Variants in NDRG2 observed in about 807,000 individuals in gnomAD.
NDRG2 encodes protein NDRG2.
NDRG2 carries 34 observed loss-of-function variants against 58.2 expected under a neutral mutation model. The ratio of observed to expected loss-of-function variants is 0.58; its 90% confidence interval spans 0.44 to 0.78. The LOEUF (loss-of-function observed/expected upper bound fraction) is 0.78, where lower values mean the gene tolerates loss of function less well. NDRG2 is among the 30% of genes least tolerant of loss of function. NDRG2 has a pLI of 0.00. For synonymous variants in NDRG2, 187 were observed against 175.9 expected, an observed-to-expected ratio of 1.06 and a Z score of -0.50; for missense variants, 434 against 471.2, an observed-to-expected ratio of 0.92 and a Z score of 0.73.
upstream of NDRG2, among the ~76,000 whole-genome samples, chr14:21,027,031 A>T (rs1883726654): frequency 1.3e-5 from 2 of 152,142 alleles, no homozygotes; most frequent in African/African-American, 4.8e-5. Context: ...AGGTTCCAGC[A>T]TCTAAATTCG....
At chr14:21,017,938 C>T in intron 15 of NDRG2, 49 bp downstream of exon 15, 1 of 1,613,932 alleles carries the variant, frequency 6.2e-7, no homozygotes, top group Non-Finnish European at 8.5e-7. Flanking sequence ...TCCACCCCGT[C>T]AGTGCCTATC....
At chr14:21,041,149 A>G (rs188956501) in intron 1 of NDRG2, among the ~76,000 whole-genome samples, 184 of 152,206 alleles carry the variant, frequency 1.2e-3, no homozygotes, top group Non-Finnish European at 4.9e-4. Flanking sequence ...ATGCACCACC[A>G]TGCCTGGCTA....
intron 11 of NDRG2, 123 bp from the exon 12 acceptor site, chr14:21,018,937 G>T: frequency 7.4e-7 from 1 of 1,342,456 alleles, no homozygotes. Context: ...GTGTCTCCCT[G>T]CTGATGCCAC....
At chr14:21,042,994 T>C (rs1884975914) in intron 1 of NDRG2, 1 of 1,611,726 alleles carries the variant, frequency 6.2e-7, no homozygotes, top group Non-Finnish European at 8.5e-7. Flanking sequence ...CTAAGAGAGA[T>C]GGCACCGGCC....
At position 21,022,344 on chromosome 14, in the gene NDRG2, C is replaced by T. The variant is rs1880966707; in HGVS notation, c.223+48G>A. The T allele has an allele frequency of 2.5e-6, 4 of 1,588,130 alleles. No individual in the cohort carries two copies. The South Asian group carries it at 3.3e-5, about 13-fold the overall frequency. ...TCTGGGTTTCATTTCTACCCTTCCCCCACAGCCTCTTCCCAGACAGGAGTG... is the reference window on the plus strand; with the variant it reads ...TCTGGGTTTCATTTCTACCCTTCCCTCACAGCCTCTTCCCAGACAGGAGTG... On this transcript the variant is annotated intron_variant, in intron 4 of 15. Transcript: ENST00000556147.
At chr14:21,055,946 A>G (rs1290914211) in intron 1 of NDRG2, among the ~76,000 whole-genome samples, 1 of 152,156 alleles carries the variant, frequency 6.6e-6, no homozygotes, top group East Asian at 1.9e-4. Context: ...CCTGGGTTCA[A>G]AAATCAATGT....
intron 1 of NDRG2, chr14:21,034,022 A>G (rs751077344): frequency 6.2e-7 from 1 of 1,614,118 alleles, no homozygotes; most frequent in East Asian, 2.2e-5. Context: ...AGAAGCTGTC[A>G]CTATACTTGC....
upstream of NDRG2, among the ~76,000 whole-genome samples, chr14:21,027,542 GA>G (rs1883776123): frequency 6.6e-6 from 1 of 152,192 alleles, no homozygotes; most frequent in South Asian, 2.1e-4. Context: ...TGGGAGATTA[GA>G]GATTTCCAAC....
chr14:21,019,586 C>T (rs1259027086), intron 10 of NDRG2, 53 bp downstream of exon 10: 1 of 1,234,856 alleles, frequency 8.1e-7, no homozygotes. Flanking sequence ...CCCATGACGC[C>T]CAATTACTGC....
chr14:21,049,937 C>T lies in NDRG2; in HGVS notation c.24+20891G>A, dbSNP rs113381638. 5.0e-3 allele frequency among the ~76,000 whole-genome samples: 765 copies of T among 152,046 alleles called. 9 individuals are homozygous for T. The highest frequency in any genetic ancestry group is 0.018 in the African/African-American group (736 of 41,472). On this transcript the variant is annotated intron_variant, in intron 1 of 14. Transcript: ENST00000403829. ...GATTACAGGTATGCACCACCATGCC[C>T]GGCTAATTTTTGTATTTTTAGTAAA...
chr14:21,035,284 C>G (rs1884545749), intron 1 of NDRG2, among the ~76,000 whole-genome samples: 1 of 152,222 alleles, frequency 6.6e-6, no homozygotes, highest in Admixed American at 6.5e-5. Context: ...TCTGAAGCCT[C>G]AAACTTGGCA....
rs560871624 is a variant in NDRG2, at chr14:21,070,660, T to C, written c.24+168A>G. Reference sequence around the variant, plus strand: ...ATCCTCCCTTGGGTCTCTCCCCTAATCCACACACCTCCCCGCTCCCCGCCC... The same window carrying C: ...ATCCTCCCTTGGGTCTCTCCCCTAACCCACACACCTCCCCGCTCCCCGCCC... On this transcript the variant is annotated intron_variant, in intron 1 of 14. Coordinates refer to the NDRG2 transcript ENST00000403829. The surrounding 1 kb of genome is among the most constrained non-coding windows in gnomAD (Gnocchi z 4.7). 6.4e-4 allele frequency among the ~76,000 whole-genome samples: 97 copies of C among 152,026 alleles called. No individual in the cohort carries two copies. The highest frequency in any genetic ancestry group is 1.4e-3 in the Admixed American group (21 of 15,284).
At chr14:21,031,654 C>A (rs141400462) in intron 1 of NDRG2, among the ~76,000 whole-genome samples, 1 of 152,102 alleles carries the variant, frequency 6.6e-6, no homozygotes, top group East Asian at 1.9e-4. Context: ...AAAAACCTAC[C>A]CTCCCTCTGC....
intron 1 of NDRG2, among the ~76,000 whole-genome samples, chr14:21,051,369 C>A (rs1275313537): frequency 1.3e-5 from 2 of 152,120 alleles, no homozygotes. Context: ...TTGTTTTTAT[C>A]GTTATGACCC....
At chr14:21,065,633 C>T (rs1326085274) in intron 1 of NDRG2, among the ~76,000 whole-genome samples, 4 of 152,108 alleles carry the variant, frequency 2.6e-5, no homozygotes, top group African/African-American at 4.8e-5. Flanking sequence ...CCACTTTAGA[C>T]CAGGTGGCCA....
intron 1 of NDRG2, chr14:21,057,947 T>C: frequency 6.2e-7 from 1 of 1,614,072 alleles, no homozygotes; most frequent in Middle Eastern, 1.6e-4. Flanking sequence ...TCTGGGGCTG[T>C]GGGTGGCAGA....
Position 21,070,491 on chromosome 14 carries a change from T to C in NDRG2, c.24+337A>G. 7.6e-7 allele frequency: 1 copy of C among 1,323,458 alleles called. No individual in the cohort carries two copies. Among genetic ancestry groups the C allele is most frequent in the Non-Finnish European group, 9.7e-7 (1 of 1,030,682 alleles). 82.0% of individuals were successfully genotyped at this position (1,323,458 alleles called of 1,614,324 possible). On this transcript the variant is annotated intron_variant, in intron 1 of 14. Coordinates refer to the NDRG2 transcript ENST00000403829. The surrounding 1 kb of genome is among the most constrained non-coding windows in gnomAD (Gnocchi z 4.7). ...TCCTCAGCCTGGTGCCTCCCGAGCCTGCCTCGGACTGTTCGGCCCCTCTGG... is the reference window on the plus strand; with the variant it reads ...TCCTCAGCCTGGTGCCTCCCGAGCCCGCCTCGGACTGTTCGGCCCCTCTGG...
intron 1 of NDRG2, among the ~76,000 whole-genome samples, chr14:21,049,842 G>A (rs1481716477): frequency 1.3e-5 from 2 of 149,704 alleles, no homozygotes; most frequent in South Asian, 2.1e-4. Flanking sequence ...TCGACTCATT[G>A]CAACCTTGTT....
intron 6 of NDRG2, 174 bp downstream of exon 6, chr14:21,021,643 A>G (rs1594407948): frequency 2.7e-6 from 2 of 743,272 alleles, no homozygotes; most frequent in African/African-American, 1.8e-5. Flanking sequence ...ACTCTGGCCA[A>G]TTTTCCAAAC....
Sources: allele counts gnomAD v4.1 joint callset (sites outside exome capture counted in the v4.1 genomes callset), GRCh38; gene constraint gnomAD v4.1.1; non-coding constraint Gnocchi (gnomAD v3.1); transcripts MANE v1.5; gene names NCBI Gene and HGNC (gene_info 2026-07-23, HGNC 2026-07-21).